NAV3: variants seen among roughly 807,000 people sequenced by gnomAD.
The protein encoded by NAV3 is pore membrane and/or filament interacting like protein 1.
In NAV3, 87 loss-of-function variants were observed where a neutral mutation model predicts 244.7. The ratio of observed to expected loss-of-function variants is 0.36; its 90% CI spans 0.30 to 0.42. NAV3 has a LOEUF of 0.42. NAV3 is among the 20% of genes least tolerant of loss of function. The pLI, the probability that NAV3 is intolerant of heterozygous loss-of-function variation, is 1.00. For missense variants in NAV3, 2,663 were observed against 2,893.3 expected, an observed-to-expected ratio of 0.92 and a Z score of 1.83; for synonymous variants, 1,126 against 1,042.2, an observed-to-expected ratio of 1.08 and a Z score of -1.55.
intron 1 of NAV3, among the ~76,000 whole-genome samples, chr12:77,880,488 G>A (rs1677915): frequency 0.14 from 20,584 of 151,984 alleles, 1,500 homozygotes; most frequent in East Asian, 0.22. Context: ...ATCACTGGAC[G>A]CCATCAGGAG....
At chr12:78,017,980 A>C (rs974171047) in intron 8 of NAV3, among the ~76,000 whole-genome samples, 4 of 152,186 alleles carry the variant, frequency 2.6e-5, no homozygotes, top group Non-Finnish European at 5.9e-5. Flanking sequence ...ACATCAGTAG[A>C]CATTTCTGGT....
chr12:77,603,733 C>A (rs769136361), intron 2 of NAV3, among the ~76,000 whole-genome samples: 7 of 151,956 alleles, frequency 4.6e-5, no homozygotes, highest in Non-Finnish European at 8.8e-5. Flanking sequence ...GTGGGTGGAT[C>A]GATAATGAAT....
intron 2 of NAV3, among the ~76,000 whole-genome samples, chr12:77,745,046 G>A (rs958341812): frequency 2.6e-4 from 40 of 152,066 alleles, no homozygotes; most frequent in African/African-American, 9.6e-4. Flanking sequence ...ATTTTGGACA[G>A]TGAGGTGCTG....
At chr12:77,577,141 C>T (rs529673577) in intron 2 of NAV3, among the ~76,000 whole-genome samples, 1 of 152,212 alleles carries the variant, frequency 6.6e-6, no homozygotes, top group South Asian at 2.1e-4. Context: ...CAAAGAAACT[C>T]GTGCTGTGAT....
At chr12:77,865,975 T>C (rs1043030622) in intron 1 of NAV3, among the ~76,000 whole-genome samples, 1 of 143,860 alleles carries the variant, frequency 7.0e-6, no homozygotes, top group Non-Finnish European at 1.5e-5. Flanking sequence ...CCCATTGACC[T>C]CACATTATAA....
intron 2 of NAV3, among the ~76,000 whole-genome samples, chr12:77,740,342 T>C (rs893341557): frequency 6.6e-6 from 1 of 152,050 alleles, no homozygotes; most frequent in African/African-American, 2.4e-5. Flanking sequence ...GAAACAGCCA[T>C]CTAGAAAGTG....
At chr12:77,734,564 T>C (rs530354355) in intron 2 of NAV3, among the ~76,000 whole-genome samples, 49 of 152,284 alleles carry the variant, frequency 3.2e-4, no homozygotes, top group African/African-American at 1.1e-3. Flanking sequence ...GATGCGTATT[T>C]TGTTGTAATT....
chr12:77,628,566 C>T (rs191854409), intron 2 of NAV3, among the ~76,000 whole-genome samples: 1 of 151,966 alleles, frequency 6.6e-6, no homozygotes, highest in Admixed American at 6.6e-5. Context: ...TCTTTTCTTT[C>T]CTATTTGCAA....
At position 78,210,607 on chromosome 12, in the gene NAV3, G is replaced by C. The variant is rs1297983415; in HGVS notation, c.*90G>C. The C allele has an allele frequency of 6.1e-6, 9 of 1,481,098 alleles. No homozygotes were observed. Among genetic ancestry groups the C allele is most frequent in the Non-Finnish European group, 5.4e-6 (6 of 1,101,242 alleles). The allele number at this position is 1,481,098 out of a possible 1,614,324, so 91.7% of individuals were successfully genotyped here. ...TCACTAAACCACTGCCAGTATAAAA[G>C]CACCCTGTCAAGGGCCCTGACCCAG... On this transcript the variant is annotated 3_prime_UTR_variant, in exon 40 of 40. Coordinates refer to ENST00000397909, the MANE Select transcript of NAV3 (RefSeq NM_001024383.2).
At chr12:77,824,241 A>ATTTTTTTTTTTTTTT (rs61710960) in intron 2 of NAV3, among the ~76,000 whole-genome samples, 25 of 104,912 alleles carry the variant, frequency 2.4e-4, no homozygotes, top group African/African-American at 5.4e-4. Flanking sequence ...GCCCAACTAA[A>ATTTTTTTTTTTTTTT]TTTTTTTTTT....
At chr12:77,596,830 C>T (rs1375074791) in intron 2 of NAV3, among the ~76,000 whole-genome samples, 1 of 151,934 alleles carries the variant, frequency 6.6e-6, no homozygotes, top group African/African-American at 2.4e-5. Flanking sequence ...GATGCAGAAA[C>T]CTGAACTGGG....
intron 3 of NAV3, among the ~76,000 whole-genome samples, chr12:77,948,144 A>G (rs1890536161): frequency 6.6e-6 from 1 of 152,088 alleles, no homozygotes; most frequent in Non-Finnish European, 1.5e-5. Flanking sequence ...AAACAGCAAC[A>G]TGAAATCATT....
At chr12:77,611,669 T>C (rs1474750711) in intron 2 of NAV3, among the ~76,000 whole-genome samples, 1 of 151,960 alleles carries the variant, frequency 6.6e-6, no homozygotes, top group African/African-American at 2.4e-5. Context: ...AGAAATAGAA[T>C]CATGCTATAT....
intron 2 of NAV3, among the ~76,000 whole-genome samples, chr12:77,591,927 G>A (rs1263523167): frequency 6.6e-6 from 1 of 152,138 alleles, no homozygotes; most frequent in African/African-American, 2.4e-5. Flanking sequence ...GAGATGATTT[G>A]TAAATTGTAA....
At chr12:77,804,045 T>G (rs1871846538) in intron 2 of NAV3, among the ~76,000 whole-genome samples, 1 of 152,210 alleles carries the variant, frequency 6.6e-6, no homozygotes, top group African/African-American at 2.4e-5. Context: ...GTCAGATGGA[T>G]AAATTGCAAA....
rs764202363 is a variant in NAV3, at chr12:78,205,077, C to T, written c.6977C>T (p.Ser2326Phe). The T allele has an allele frequency of 1.9e-6, 3 of 1,613,476 alleles. No homozygotes were observed. In the East Asian group the frequency reaches 6.7e-5, roughly 36 times the overall value. The part of the protein sequence containing the change: ...PEDVGYESCT[S>F]TKEATTSKHI... ...GATGTTGGGTATGAAAGCTGCACAT[C>T]CACTAAGGAAGCCACAACCTCAAAG... Residue 2326 changes from serine (S) to phenylalanine (F), a missense_variant, in exon 39 of 40, where the codon TCC becomes TTC. Around this residue, in one of 6 missense-constraint regions of NAV3, gnomAD observed 543 missense variants for 672.4 expected, o/e 0.81. Coordinates refer to ENST00000397909, the MANE Select transcript of NAV3 (RefSeq NM_001024383.2).
chr12:77,645,335 C>CT (rs148146533), intron 2 of NAV3, among the ~76,000 whole-genome samples: 4,013 of 151,532 alleles, frequency 0.026, 189 homozygotes, highest in African/African-American at 0.091. Flanking sequence ...GTCCAAATAA[C>CT]TTTAACTCTG....
At chr12:77,631,801 C>T (rs578258723) in intron 2 of NAV3, among the ~76,000 whole-genome samples, 3 of 152,140 alleles carry the variant, frequency 2.0e-5, no homozygotes, top group Non-Finnish European at 4.4e-5. Context: ...GACACTGGGG[C>T]ACAGAGAGGT....
intron 24 of NAV3, among the ~76,000 whole-genome samples, chr12:78,172,026 G>A (rs1958021910): frequency 6.6e-6 from 1 of 151,530 alleles, no homozygotes; most frequent in African/African-American, 2.4e-5. Flanking sequence ...GGCATTATCA[G>A]ATCTTAAAAT....
Sources: gnomAD v4.1 joint callset for allele counts (sites outside exome capture counted in the v4.1 genomes callset) on GRCh38, gnomAD v4.1.1 for gene constraint, gnomAD v4.1.1 regional missense constraint, MANE v1.5 for transcripts, NCBI Gene and HGNC (gene_info 2026-07-23, HGNC 2026-07-21) for gene names.